The following RTN1 variants were observed in gnomAD, a reference collection of about 807,000 sequenced individuals.
The protein encoded by RTN1 is reticulon 1.
In RTN1, 25 loss-of-function variants were observed where a neutral mutation model predicts 65.5. The observed-to-expected ratio is 0.38, with a 90% CI of 0.28 to 0.53. The LOEUF (loss-of-function observed/expected upper bound fraction) is 0.53. Ranked by LOEUF, RTN1 falls within the 20% of genes least tolerant of loss-of-function variation. RTN1 has a pLI of 0.79. For synonymous variants in RTN1, 471 were observed against 447.6 expected (o/e 1.05, Z -0.66); for missense variants, 983 against 1,025.4 (o/e 0.96, Z 0.57).
At chr14:59,707,938 A>G (rs1166062567) in intron 3 of RTN1, among the ~76,000 whole-genome samples, 1 of 152,236 alleles carries the variant, frequency 6.6e-6, no homozygotes, top group East Asian at 1.9e-4. Flanking sequence ...AATTGCTGCA[A>G]GTAAGCCAGA....
rs1887093617 is a variant in RTN1, at chr14:59,829,707, C to T, written c.241+40683G>A. Among the ~76,000 whole-genome samples the T allele has an allele frequency of 6.6e-6, 1 of 152,170 alleles. No homozygotes were observed. The highest frequency in any genetic ancestry group is 2.1e-4 in the South Asian group (1 of 4,826). ...CACACAGGGAGCAGGCAGAGGGAGG[C>T]CCCACTCCTGTGCTTCCACAAAGCA... is the stretch of plus-strand genomic sequence containing the variant. On this transcript the variant is annotated intron_variant, in intron 1 of 8. Transcript: ENST00000267484. The surrounding 1 kb of genome is among the most constrained non-coding windows in gnomAD (Gnocchi z 4.3).
chr14:59,630,350 C>A lies in RTN1; in HGVS notation c.1766-22858G>T, dbSNP rs1011619773. 2.7e-6 allele frequency: 4 copies of A among 1,509,114 alleles called. No individual in the cohort carries two copies. The Admixed American group carries it at 5.1e-5, about 19-fold the overall frequency. The allele number at this position is 1,509,114 out of a possible 1,614,324, so 93.5% of individuals were successfully genotyped here. A position where few individuals can be genotyped will look rare whatever the true frequency, so the allele number is the denominator to read the frequency against. ...ACAAAGCTCTGGGGTATAAAGCATG[C>A]ACAGGTCCCACAGGTGAAATGATGC... On this transcript the variant is annotated intron_variant, in intron 3 of 8. Transcript: ENST00000267484.
intron 5 of RTN1, 189 bp downstream of exon 5, chr14:59,605,179 C>A (rs1566657634): frequency 1.8e-6 from 1 of 553,062 alleles, no homozygotes; most frequent in Non-Finnish European, 3.0e-6. Flanking sequence ...AATGTCTCAG[C>A]CACATTTTCA....
intron 3 of RTN1, among the ~76,000 whole-genome samples, chr14:59,634,201 G>T (rs886386303): frequency 1.3e-5 from 2 of 152,282 alleles, no homozygotes; most frequent in East Asian, 3.9e-4. Context: ...GCAGGAGAAT[G>T]CCATTAAGAT....
chr14:59,869,579 T>TG (rs753626233), intron 1 of RTN1, among the ~76,000 whole-genome samples: 893 of 56,290 alleles, frequency 0.016, 9 homozygotes, highest in Non-Finnish European at 0.029. Context: ...ATTTCCGGGG[T>TG]GGGGGGGGGG....
intron 3 of RTN1, chr14:59,630,590 G>T: frequency 6.3e-7 from 1 of 1,595,340 alleles, no homozygotes; most frequent in Non-Finnish European, 8.5e-7. Flanking sequence ...TGCTGCGGCT[G>T]GGCTCGCAGT....
intron 2 of RTN1, among the ~76,000 whole-genome samples, chr14:59,740,349 A>C (rs1413888291): frequency 6.6e-6 from 1 of 152,224 alleles, no homozygotes; most frequent in East Asian, 1.9e-4. Flanking sequence ...ATGTAACTCC[A>C]TGTGTGATTC....
At chr14:59,657,270 A>T (rs940633741) in intron 3 of RTN1, among the ~76,000 whole-genome samples, 4 of 152,122 alleles carry the variant, frequency 2.6e-5, no homozygotes, top group Non-Finnish European at 5.9e-5. Flanking sequence ...TTAGCTGGGC[A>T]TGGTGGCACA....
intron 3 of RTN1, among the ~76,000 whole-genome samples, chr14:59,664,404 C>A (rs140242126): frequency 6.6e-6 from 1 of 151,968 alleles, no homozygotes; most frequent in Non-Finnish European, 1.5e-5. Context: ...CACCATGGCA[C>A]GTATATACCT....
chr14:59,684,485 C>G (rs1009892651), intron 3 of RTN1, among the ~76,000 whole-genome samples: 2 of 151,904 alleles, frequency 1.3e-5, no homozygotes, highest in Admixed American at 6.6e-5. Flanking sequence ...AAATAAGAAG[C>G]ATGTTTAGAC....
intron 3 of RTN1, among the ~76,000 whole-genome samples, chr14:59,686,705 C>T (rs1566685105): frequency 6.6e-6 from 1 of 152,190 alleles, no homozygotes; most frequent in Admixed American, 6.5e-5. Context: ...CTGTGACTCA[C>T]CTTTCCACTG....
chr14:59,657,104 A>G (rs867278763), intron 3 of RTN1, among the ~76,000 whole-genome samples: 24 of 152,212 alleles, frequency 1.6e-4, no homozygotes, highest in African/African-American at 5.5e-4. Context: ...AATATCAAAC[A>G]GTGCACAAAA....
At chr14:59,654,465 C>T (rs76128484) in intron 3 of RTN1, among the ~76,000 whole-genome samples, 2,504 of 149,804 alleles carry the variant, frequency 0.017, 67 homozygotes, top group African/African-American at 0.058. Flanking sequence ...GGAAAATATC[C>T]CATCTCACTC....
intron 1 of RTN1, among the ~76,000 whole-genome samples, chr14:59,778,302 T>C (rs1384502644): frequency 6.6e-6 from 1 of 152,350 alleles, no homozygotes; most frequent in East Asian, 1.9e-4. Context: ...CCATGTATGC[T>C]TTTTCTCATC....
intron 3 of RTN1, among the ~76,000 whole-genome samples, chr14:59,680,435 T>C (rs1221469908): frequency 6.6e-6 from 1 of 152,206 alleles, no homozygotes; most frequent in Non-Finnish European, 1.5e-5. Context: ...TAGTTGTCAT[T>C]GTTTACAATA....
At chr14:59,691,627 C>T (rs561766673) in intron 3 of RTN1, among the ~76,000 whole-genome samples, 6 of 151,906 alleles carry the variant, frequency 3.9e-5, no homozygotes, top group East Asian at 3.9e-4. Context: ...AAAGACACAA[C>T]GAAAAAAGAA....
At chr14:59,676,673 T>G (rs1883634985) in intron 3 of RTN1, among the ~76,000 whole-genome samples, 1 of 152,094 alleles carries the variant, frequency 6.6e-6, no homozygotes, top group Non-Finnish European at 1.5e-5. Flanking sequence ...AACTATCTTC[T>G]TTAAAATAAT....
At chr14:59,611,189 C>T (rs1881937817) in intron 3 of RTN1, among the ~76,000 whole-genome samples, 1 of 152,236 alleles carries the variant, frequency 6.6e-6, no homozygotes, top group Non-Finnish European at 1.5e-5. Flanking sequence ...ATGTGAACCC[C>T]TTGGGCAGTT....
chr14:59,659,843 A>G (rs1476704762), intron 3 of RTN1, among the ~76,000 whole-genome samples: 1 of 152,232 alleles, frequency 6.6e-6, no homozygotes, highest in Non-Finnish European at 1.5e-5. Flanking sequence ...TAATGGGCAA[A>G]ATAACCAGCT....
Sources: gnomAD v4.1 joint callset for allele counts (sites outside exome capture counted in the v4.1 genomes callset) on GRCh38, gnomAD v4.1.1 for gene constraint, Gnocchi (gnomAD v3.1) non-coding constraint, MANE v1.5 for transcripts, NCBI Gene and HGNC (gene_info 2026-07-23, HGNC 2026-07-21) for gene names.